CYTH3: variants seen among roughly 807,000 people sequenced by gnomAD.
The protein encoded by CYTH3 is cytohesin 3.
In CYTH3, 23 loss-of-function variants were observed where a neutral mutation model predicts 55.1. That is an observed-to-expected ratio of 0.42 (90% confidence interval 0.30 to 0.59). CYTH3 has a LOEUF of 0.59. Among genes scored for constraint, CYTH3 ranks in the 20% least tolerant of loss-of-function variants. The pLI is 0.20. For synonymous variants in CYTH3, 249 were observed against 194.9 expected, an observed-to-expected ratio of 1.28 and a Z score of -2.31; for missense variants, 413 against 524.8, an observed-to-expected ratio of 0.79 and a Z score of 2.08.
At chr7:6,188,707 C>G (rs1286682973) in intron 2 of CYTH3, 2 of 152,184 alleles carry the variant, frequency 1.3e-5, no homozygotes, top group Admixed American at 6.5e-5. Context: ...AGACTGACCT[C>G]TGGAAGCCTC....
intron 1 of CYTH3, 65 bp downstream of exon 1, chr7:6,272,409 C>CGGGGGGGGGGGGCGG: frequency 8.2e-7 from 1 of 1,212,388 alleles, no homozygotes; most frequent in Non-Finnish European, 1.1e-6. Flanking sequence ...GCCGCGCCCT[C>CGGGGGGGGGGGGCGG]GACCCCCAGC....
intron 1 of CYTH3, among the ~76,000 whole-genome samples, chr7:6,200,764 T>C (rs1784041653): frequency 1.3e-5 from 2 of 152,150 alleles, no homozygotes; most frequent in South Asian, 4.1e-4. Flanking sequence ...CAATTTAAAC[T>C]GGTTATTTTG....
intron 4 of CYTH3, among the ~76,000 whole-genome samples, chr7:6,185,361 A>T (rs971070500): frequency 6.6e-6 from 1 of 151,312 alleles, no homozygotes; most frequent in African/African-American, 2.5e-5. Flanking sequence ...TGAGGTGGGC[A>T]GATCACCTGA....
At chr7:6,236,594 T>C (rs1779530756) in intron 1 of CYTH3, among the ~76,000 whole-genome samples, 1 of 151,982 alleles carries the variant, frequency 6.6e-6, no homozygotes, top group South Asian at 2.1e-4. Context: ...ATTCTCGCTC[T>C]GTCGCCCAGG....
chr7:6,210,414 A>G (rs1446446508), intron 1 of CYTH3, among the ~76,000 whole-genome samples: 2 of 152,248 alleles, frequency 1.3e-5, no homozygotes, highest in Non-Finnish European at 2.9e-5. Context: ...ATGCGACAGA[A>G]TATGAAAGAA....
chr7:6,185,102 G>GA (rs1048379223), intron 4 of CYTH3, among the ~76,000 whole-genome samples: 1 of 152,144 alleles, frequency 6.6e-6, no homozygotes, highest in African/African-American at 2.4e-5. Context: ...ACTCCTTAAA[G>GA]AAAAGCTGTT....
intron 1 of CYTH3, among the ~76,000 whole-genome samples, chr7:6,205,481 G>T (rs1338907145): frequency 1.3e-5 from 2 of 151,924 alleles, no homozygotes; most frequent in African/African-American, 4.8e-5. Context: ...GGCTGAGGCA[G>T]GAGAACCCCT....
chr7:6,246,830 T>C (rs11973228), intron 1 of CYTH3, among the ~76,000 whole-genome samples: 12,295 of 152,304 alleles, frequency 0.081, 1,233 homozygotes, highest in African/African-American at 0.24. Flanking sequence ...ACATCTGTAA[T>C]CAAGTTTATA....
At position 6,272,550 on chromosome 7, in the gene CYTH3, AGAGG is replaced by A; in HGVS notation, c.-47_-44del. Reference sequence around the variant, plus strand: ...AGCCGGCGAGCCGGGGGCCGGCAGCAGAGGGGCCGCGGGCTGGGGACGCCGCCGG... The same window carrying A: ...AGCCGGCGAGCCGGGGGCCGGCAGCAGGCCGCGGGCTGGGGACGCCGCCGG... On this transcript the variant is annotated 5_prime_UTR_variant, in exon 1 of 13. Coordinates refer to ENST00000350796, the MANE Select transcript of CYTH3 (RefSeq NM_004227.4). 4 of 1,236,152 alleles carry A rather than the reference AGAGG, an allele frequency of 3.2e-6. No homozygotes were observed. The highest frequency in any genetic ancestry group is 4.1e-6 in the Non-Finnish European group (4 of 974,980). 76.6% of individuals were successfully genotyped at this position (1,236,152 alleles called of 1,614,324 possible).
intron 1 of CYTH3, among the ~76,000 whole-genome samples, chr7:6,235,759 T>C (rs1223842188): frequency 6.6e-6 from 1 of 152,154 alleles, no homozygotes. Context: ...ATCAAGCAAA[T>C]TATAAAGCCA....
At chr7:6,239,289 G>A (rs1779612711) in intron 1 of CYTH3, among the ~76,000 whole-genome samples, 1 of 152,182 alleles carries the variant, frequency 6.6e-6, no homozygotes. Context: ...AGAAAGAGAA[G>A]AGAAGACGCA....
At chr7:6,202,457 GTTTTTT>G (rs34849107) in intron 1 of CYTH3, among the ~76,000 whole-genome samples, 1 of 126,514 alleles carries the variant, frequency 7.9e-6, no homozygotes, top group African/African-American at 3.1e-5. Flanking sequence ...GCCATTGCTA[GTTTTTT>G]TTTTTTTTTT....
At chr7:6,252,208 C>A (rs1232980688) in intron 1 of CYTH3, among the ~76,000 whole-genome samples, 4 of 151,494 alleles carry the variant, frequency 2.6e-5, no homozygotes, top group African/African-American at 9.7e-5. Context: ...TTAAGAGAAA[C>A]TGGCTTTCTT....
At position 6,220,674 on chromosome 7, in the gene CYTH3, G is replaced by A. The variant is rs530924226; in HGVS notation, c.35-30143C>T. 1.1e-4 allele frequency among the ~76,000 whole-genome samples: 17 copies of A among 151,748 alleles called. No individual in the cohort carries two copies. In the South Asian group the frequency reaches 3.3e-3, roughly 30 times the overall value. ...GAACATAAAATGTTATAGCCCTCCG[G>A]AAAACAATTTGGCATTTTCTTATAA... is the stretch of plus-strand genomic sequence containing the variant. On this transcript the variant is annotated intron_variant, in intron 1 of 12. Transcript: ENST00000350796.
At position 6,170,654 on chromosome 7, in the gene CYTH3, G is replaced by T; in HGVS notation, c.712-8C>A. The T allele has an allele frequency of 6.2e-7, 1 of 1,612,550 alleles. No individual in the cohort carries two copies. Among genetic ancestry groups the T allele is most frequent in the African/African-American group, 1.3e-5 (1 of 75,034 alleles). On this transcript the variant is annotated splice_polypyrimidine_tract_variant and splice_region_variant and intron_variant, in intron 8 of 12. Transcript: ENST00000350796. The surrounding 1 kb of genome is among the most constrained non-coding windows in gnomAD (Gnocchi z 7.8). ...AATGCTCTCATACAAATTCTGCAAG[G>T]AGGGAAAACAGCAGCCAGTTCAGAG...
rs750492804 is a variant in CYTH3 at position 6,171,157 on chromosome 7, G to A, written c.562+45C>T. On this transcript the variant is annotated intron_variant, in intron 7 of 12. Coordinates refer to ENST00000350796, the MANE Select transcript of CYTH3 (RefSeq NM_004227.4). The surrounding 1 kb of genome is among the most constrained non-coding windows in gnomAD (Gnocchi z 6.7). Reference sequence around the variant, plus strand: ...ACAGGGGCCGCCCCCTCCAGAGCTGGAGGCTGTGCCTGGCAAGGGGCCAGG... The same window carrying A: ...ACAGGGGCCGCCCCCTCCAGAGCTGAAGGCTGTGCCTGGCAAGGGGCCAGG... The A allele has an allele frequency of 6.2e-7, 1 of 1,608,162 alleles. No individual in the cohort carries two copies. Among genetic ancestry groups the A allele is most frequent in the Non-Finnish European group, 8.5e-7 (1 of 1,175,058 alleles).
intron 1 of CYTH3, among the ~76,000 whole-genome samples, chr7:6,218,771 C>T (rs1188584493): frequency 6.6e-6 from 1 of 152,054 alleles, no homozygotes; most frequent in African/African-American, 2.4e-5. Flanking sequence ...CTTTGGGAGG[C>T]CGAGGCGGGC....
chr7:6,189,417 T>C (rs1252723568), intron 2 of CYTH3, among the ~76,000 whole-genome samples: 1 of 152,068 alleles, frequency 6.6e-6, no homozygotes, highest in East Asian at 1.9e-4. Context: ...CAGGTGATCC[T>C]CCCACCTCAG....
intron 4 of CYTH3, among the ~76,000 whole-genome samples, chr7:6,186,475 G>A (rs1269028579): frequency 6.6e-6 from 1 of 152,146 alleles, no homozygotes; most frequent in Non-Finnish European, 1.5e-5. Flanking sequence ...AGGTTTCACG[G>A]TTTTCGAGTG....
Sources: allele counts gnomAD v4.1 joint callset (sites outside exome capture counted in the v4.1 genomes callset), GRCh38; gene constraint gnomAD v4.1.1; non-coding constraint Gnocchi (gnomAD v3.1); transcripts MANE v1.5; gene names NCBI Gene and HGNC (gene_info 2026-07-23, HGNC 2026-07-21).